MACROD2: variants seen among roughly 807,000 people sequenced by gnomAD.
MACROD2 encodes the protein mono-ADP ribosylhydrolase 2.
MACROD2 carries 36 observed loss-of-function variants against 70.4 expected under a neutral mutation model. The ratio of observed to expected loss-of-function variants is 0.51; its 90% CI spans 0.39 to 0.68. MACROD2 has a LOEUF of 0.68. MACROD2 is among the 30% of genes least tolerant of loss of function. MACROD2 has a pLI of 0.00. For synonymous variants in MACROD2, 172 were observed against 178.8 expected (o/e 0.96, Z 0.30); for missense variants, 496 against 538.4 (o/e 0.92, Z 0.78).
At chr20:15,181,214 A>C (rs2076498284) in intron 5 of MACROD2, among the ~76,000 whole-genome samples, 1 of 152,206 alleles carries the variant, frequency 6.6e-6, no homozygotes, top group Non-Finnish European at 1.5e-5. Context: ...GTGGATGCAG[A>C]ATCTGCAGAT....
In MACROD2 at chr20:16,041,758, T is replaced by C. The variant is rs184515074; in HGVS notation, c.1231+480T>C. Among the ~76,000 whole-genome samples, 13 of 152,106 alleles carry C rather than the reference T, an allele frequency of 8.5e-5. No homozygotes were observed. In the East Asian group the frequency reaches 2.5e-3, roughly 29 times the overall value. The stretch of plus-strand genomic sequence containing the variant: ...CCTTGGTTAAAAACATAGTGAGTCT[T>C]TAAAAGCACCTTAAAAATAAATTTT... On this transcript the variant is annotated intron_variant, in intron 16 of 17. Transcript: ENST00000684519.
intron 2 of MACROD2, among the ~76,000 whole-genome samples, chr20:14,065,536 C>T (rs771579341): frequency 8.5e-5 from 13 of 152,182 alleles, no homozygotes; most frequent in Non-Finnish European, 1.5e-4. Flanking sequence ...GATTCTGCCT[C>T]AACTCAGATT....
At chr20:14,676,872 C>T (rs574873053) in intron 4 of MACROD2, among the ~76,000 whole-genome samples, 60 of 151,970 alleles carry the variant, frequency 3.9e-4, no homozygotes, top group African/African-American at 1.3e-3. Context: ...CAATAAAAAA[C>T]GATAAAGGGG....
At position 14,684,919 on chromosome 20, in the gene MACROD2, A is replaced by G. The variant is rs2123596865; in HGVS notation, c.378A>G (p.Gly126=). ...ECRNLNGCDT[G]HAKITCGYDL... ...GTAACCTGAATGGCTGTGATACTGG[A>G]CATGCAAAAATCACATGTGGCTATG... Residue 126 remains glycine (G), a synonymous_variant, in exon 5 of 18, where the codon GGA becomes GGG. Coordinates refer to ENST00000684519, the MANE Select transcript of MACROD2 (RefSeq NM_001351661.2). The G allele has an allele frequency of 6.2e-7, 1 of 1,614,012 alleles. No homozygotes were observed. Among genetic ancestry groups the G allele is most frequent in the East Asian group, 2.2e-5 (1 of 44,880 alleles).
At chr20:14,204,818 G>A (rs1295442884) in intron 3 of MACROD2, among the ~76,000 whole-genome samples, 1 of 152,064 alleles carries the variant, frequency 6.6e-6, no homozygotes, top group African/African-American at 2.4e-5. Flanking sequence ...TTGTGTAGGA[G>A]GCAAGTGCCT....
At chr20:15,170,392 C>G (rs1399069386) in intron 5 of MACROD2, among the ~76,000 whole-genome samples, 1 of 152,136 alleles carries the variant, frequency 6.6e-6, no homozygotes, top group Non-Finnish European at 1.5e-5. Flanking sequence ...CCTTCTGAAG[C>G]ACTGAAGCCT....
chr20:15,843,743 A>C (rs1172642026), intron 8 of MACROD2, among the ~76,000 whole-genome samples: 2 of 152,192 alleles, frequency 1.3e-5, no homozygotes, highest in Non-Finnish European at 2.9e-5. Context: ...ACAGAGCATT[A>C]TGTGCATGAT....
chr20:15,105,427 C>A (rs1297271291), intron 5 of MACROD2, among the ~76,000 whole-genome samples: 1 of 152,096 alleles, frequency 6.6e-6, no homozygotes, highest in African/African-American at 2.4e-5. Context: ...GGGTCAAATT[C>A]CTACAACCTC....
chr20:15,996,483 C>G (rs201497023), intron 15 of MACROD2, among the ~76,000 whole-genome samples: 1 of 151,940 alleles, frequency 6.6e-6, no homozygotes, highest in East Asian at 1.9e-4. Context: ...CTGGGCTTTT[C>G]TTTGTTGAGA....
intron 16 of MACROD2, among the ~76,000 whole-genome samples, chr20:16,043,803 A>T (rs562796790): frequency 2.0e-5 from 3 of 152,092 alleles, no homozygotes; most frequent in Non-Finnish European, 2.9e-5. Context: ...ATTTTGGAGC[A>T]AGCTGCTTAC....
intron 10 of MACROD2, among the ~76,000 whole-genome samples, chr20:15,931,253 A>G (rs1296347329): frequency 6.6e-6 from 1 of 152,212 alleles, no homozygotes; most frequent in Non-Finnish European, 1.5e-5. Context: ...ATGGAGAACC[A>G]GAACAGGGAA....
chr20:16,025,902 T>C (rs983085513), intron 15 of MACROD2, among the ~76,000 whole-genome samples: 1 of 151,840 alleles, frequency 6.6e-6, no homozygotes, highest in Non-Finnish European at 1.5e-5. Context: ...TCCCAGCACT[T>C]TGGGACACCA....
At chr20:15,378,687 GACAC>G (rs1338782195) in intron 6 of MACROD2, among the ~76,000 whole-genome samples, 1 of 152,074 alleles carries the variant, frequency 6.6e-6, no homozygotes, top group Non-Finnish European at 1.5e-5. Flanking sequence ...CAAGATTAAT[GACAC>G]ACAATCACTT....
At position 14,327,060 on chromosome 20, in the gene MACROD2, T is replaced by C; in HGVS notation, c.272-166419T>C. Reference sequence around the variant, plus strand: ...GTCGGAGATAGTTGCTGTCTCGGAATGCTCCCTCTTCTATGCTAACTGCAG... The same window carrying C: ...GTCGGAGATAGTTGCTGTCTCGGAACGCTCCCTCTTCTATGCTAACTGCAG... On this transcript the variant is annotated intron_variant, in intron 3 of 17. Coordinates refer to ENST00000684519, the MANE Select transcript of MACROD2 (RefSeq NM_001351661.2). 3 of 1,613,798 alleles carry C rather than the reference T, an allele frequency of 1.9e-6. No homozygotes were observed. Among genetic ancestry groups the C allele is most frequent in the Middle Eastern group, 1.7e-4 (1 of 6,052 alleles).
intron 11 of MACROD2, among the ~76,000 whole-genome samples, chr20:15,934,845 G>T (rs961102569): frequency 1.3e-5 from 2 of 151,788 alleles, no homozygotes; most frequent in Admixed American, 1.3e-4. Flanking sequence ...CTACAGGCAC[G>T]CACCACCATG....
In MACROD2 at chr20:14,398,046, G is replaced by A. The variant is rs113548718; in HGVS notation, c.272-95433G>A. Among the ~76,000 whole-genome samples, 385 of 152,138 alleles carry A rather than the reference G, an allele frequency of 2.5e-3. 1 individual carries two copies. The highest frequency in any genetic ancestry group is 8.8e-3 in the African/African-American group (366 of 41,524). On this transcript the variant is annotated intron_variant, in intron 3 of 17. Transcript: ENST00000684519. ...AATGGCCTTCAGGTTCATCCACGTT[G>A]CCATGGATTTTTCATTTTTTATTGA...
At chr20:14,965,943 A>C (rs894013698) in intron 5 of MACROD2, among the ~76,000 whole-genome samples, 2 of 152,178 alleles carry the variant, frequency 1.3e-5, no homozygotes, top group Admixed American at 1.3e-4. Context: ...ATTATGGTGC[A>C]GTTGAAAAAT....
chr20:15,646,881 G>A (rs1206937521), intron 8 of MACROD2, among the ~76,000 whole-genome samples: 1 of 152,148 alleles, frequency 6.6e-6, no homozygotes, highest in African/African-American at 2.4e-5. Flanking sequence ...ATTACTCAGT[G>A]TCAGGCAGTT....
chr20:15,354,337 C>G (rs1264732726), intron 6 of MACROD2, among the ~76,000 whole-genome samples: 1 of 151,994 alleles, frequency 6.6e-6, no homozygotes, highest in Non-Finnish European at 1.5e-5. Context: ...ACATCACACA[C>G]CGGGGCCTGT....
Sources: allele counts gnomAD v4.1 joint callset (sites outside exome capture counted in the v4.1 genomes callset), GRCh38; gene constraint gnomAD v4.1.1; transcripts MANE v1.5; gene names NCBI Gene and HGNC (gene_info 2026-07-23, HGNC 2026-07-21).